The following INPP5B variants were observed in gnomAD, a reference collection of about 807,000 sequenced individuals.
INPP5B encodes inositol polyphosphate-5-phosphatase B.
A neutral mutation model predicts 118.5 loss-of-function variants in INPP5B; 90 were observed. That is an observed-to-expected ratio of 0.76 (90% CI 0.64 to 0.90). The LOEUF (loss-of-function observed/expected upper bound fraction) is 0.90, where lower values mean the gene tolerates loss of function less well. INPP5B is among the 40% of genes least tolerant of loss of function. INPP5B has a pLI of 0.00. For missense variants in INPP5B, 984 were observed against 1,125.6 expected (o/e 0.87, Z 1.80); for synonymous variants, 385 against 418.9 (o/e 0.92, Z 0.99).
chr1:37,869,271 G>A lies in INPP5B; in HGVS notation c.2188-657C>T, dbSNP rs530340907. Reference sequence around the variant, plus strand: ...GCCTCCCAAAGTGCTAGGATTACAGGCGTGAGCCACCGTGCCCGGCCCGAT... The same window carrying A: ...GCCTCCCAAAGTGCTAGGATTACAGACGTGAGCCACCGTGCCCGGCCCGAT... On this transcript the variant is annotated intron_variant, in intron 19 of 23. Transcript: ENST00000373024. Among the ~76,000 whole-genome samples, 424 of 151,914 alleles carry A rather than the reference G, an allele frequency of 2.8e-3. 3 individuals are homozygous for A. Among genetic ancestry groups the A allele is most frequent in the Non-Finnish European group, 4.6e-3 (311 of 67,960 alleles).
intron 18 of INPP5B, among the ~76,000 whole-genome samples, chr1:37,873,586 G>C (rs1162325890): frequency 2.6e-5 from 4 of 152,174 alleles, no homozygotes; most frequent in Admixed American, 2.0e-4. Flanking sequence ...AGAGTACCAT[G>C]CAGAGTGCGA....
chr1:37,864,232 T>C, intron 23 of INPP5B, 80 bp downstream of exon 23: 1 of 781,022 alleles, frequency 1.3e-6, no homozygotes, highest in Non-Finnish European at 2.2e-6. Context: ...GCAAGGGACC[T>C]GGGACCCTCC....
chr1:37,944,691 C>T (rs1646054341), intron 3 of INPP5B, among the ~76,000 whole-genome samples: 1 of 151,792 alleles, frequency 6.6e-6, no homozygotes, highest in African/African-American at 2.4e-5. Context: ...ATGTGATCCT[C>T]CCGCCTCAGC....
chr1:37,921,716 GAATAA>G (rs1557700254), intron 7 of INPP5B, among the ~76,000 whole-genome samples: 1 of 151,860 alleles, frequency 6.6e-6, no homozygotes, highest in African/African-American at 2.4e-5. Flanking sequence ...AAATAATAAT[GAATAA>G]AATAAAGACC....
At chr1:37,890,133 G>A (rs746559864) in intron 8 of INPP5B, among the ~76,000 whole-genome samples, 9 of 152,150 alleles carry the variant, frequency 5.9e-5, no homozygotes, top group African/African-American at 2.2e-4. Flanking sequence ...CCAGCACTTT[G>A]GAAGGCCAAG....
At chr1:37,934,041 C>T (rs1229882633) in intron 6 of INPP5B, among the ~76,000 whole-genome samples, 2 of 151,882 alleles carry the variant, frequency 1.3e-5, no homozygotes, top group Non-Finnish European at 2.9e-5. Flanking sequence ...TCAAATGATT[C>T]TCCTGCCTCA....
At chr1:37,868,982 C>A (rs1642226289) in intron 19 of INPP5B, among the ~76,000 whole-genome samples, 2 of 151,806 alleles carry the variant, frequency 1.3e-5, no homozygotes. Context: ...TTTTGATTTT[C>A]TTTTATTTTT....
chr1:37,932,150 C>A, intron 6 of INPP5B, 97 bp from the exon 7 acceptor site: 22 of 1,147,608 alleles, frequency 1.9e-5, no homozygotes, highest in Non-Finnish European at 2.5e-5. Context: ...CTGTTTCTCC[C>A]GCGCACAGAA....
chr1:37,940,865 C>A, intron 5 of INPP5B, 67 bp from the exon 6 acceptor site: 1 of 1,124,176 alleles, frequency 8.9e-7, no homozygotes, highest in Non-Finnish European at 1.3e-6. Context: ...CAGCCTAAGC[C>A]TGAGAATGGA....
chr1:37,885,620 G>T lies in INPP5B; in HGVS notation c.1319+18C>A, dbSNP rs768979267. On this transcript the variant is annotated intron_variant, in intron 13 of 23. Transcript: ENST00000373024. The stretch of plus-strand genomic sequence containing the variant: ...ATGTACTCATGGTGAACCGCATGGG[G>T]TGGAAGCCCAGACTCACTCATGGTT... 38 of 1,611,382 alleles carry T rather than the reference G, an allele frequency of 2.4e-5. 1 individual carries two copies. The highest frequency in any genetic ancestry group is 3.2e-5 in the Non-Finnish European group (38 of 1,178,728).
intron 21 of INPP5B, 107 bp downstream of exon 21, chr1:37,866,352 A>ATACTT: frequency 1.5e-6 from 1 of 656,120 alleles, no homozygotes; most frequent in Non-Finnish European, 2.7e-6. Context: ...GAGCCATAAA[A>ATACTT]TACTTTACTT....
intron 7 of INPP5B, 41 bp from the exon 8 acceptor site, chr1:37,891,495 C>A: frequency 1.4e-6 from 2 of 1,428,500 alleles, no homozygotes; most frequent in South Asian, 1.1e-5. Flanking sequence ...CATACATAGG[C>A]TGGACATGGT....
intron 7 of INPP5B, chr1:37,929,385 T>G (rs138626936): frequency 6.6e-6 from 1 of 152,204 alleles, no homozygotes; most frequent in East Asian, 1.9e-4. Context: ...TCCAAAGTGT[T>G]GGGATTAAAG....
At position 37,946,332 on chromosome 1, in the gene INPP5B, A is replaced by C. The variant is rs1570438228; in HGVS notation, c.-24T>G. The C allele has an allele frequency of 6.2e-7, 1 of 1,604,896 alleles. No individual in the cohort carries two copies. The highest frequency in any genetic ancestry group is 8.5e-7 in the Non-Finnish European group (1 of 1,175,800). On this transcript the variant is annotated splice_region_variant and 5_prime_UTR_variant, in exon 2 of 24. Transcript: ENST00000373024. ...ATGCTGGCCCCTGCTGAGCGCACAC[A>C]CCCTGTGGGAGGGGAGATAGGAGCC...
In INPP5B at chr1:37,860,886, G is replaced by A. The variant is rs1449939477; in HGVS notation, c.*1429C>T. On this transcript the variant is annotated 3_prime_UTR_variant, in exon 24 of 24. Transcript: ENST00000373024. ...CTCACCCGGGCTGGCGTACAGTGAT[G>A]TGGTCATAGGTCACTGCAGCCTCAA... The A allele has an allele frequency of 1.3e-5, 2 of 152,214 alleles. No homozygotes were observed. Among genetic ancestry groups the A allele is most frequent in the African/African-American group, 4.8e-5 (2 of 41,448 alleles). 9.4% of individuals were successfully genotyped at this position (152,214 alleles called of 1,614,324 possible).
Position 37,945,630 on chromosome 1 carries a change from A to G in INPP5B, c.152+126T>C, listed in dbSNP as rs74067342. Reference sequence around the variant, plus strand: ...ATATAGTGTTCAAAAAATATTAACTATCATTGTGATAATTATTCTAGGAGA... The same window carrying G: ...ATATAGTGTTCAAAAAATATTAACTGTCATTGTGATAATTATTCTAGGAGA... On this transcript the variant is annotated intron_variant, in intron 3 of 23. Coordinates refer to ENST00000373024, the MANE Select transcript of INPP5B (RefSeq NM_005540.3). 1.1e-3 allele frequency: 740 copies of G among 667,140 alleles called. 2 individuals are homozygous for G. In the African/African-American group the frequency reaches 0.012, roughly 11 times the overall value. 41.3% of individuals were successfully genotyped at this position (667,140 alleles called of 1,614,324 possible). A position where few individuals can be genotyped will look rare whatever the true frequency, so the allele number is the denominator to read the frequency against.
intron 7 of INPP5B, among the ~76,000 whole-genome samples, chr1:37,927,424 C>A (rs1645271789): frequency 6.6e-6 from 1 of 152,184 alleles, no homozygotes; most frequent in Non-Finnish European, 1.5e-5. Context: ...AGCTGCCACT[C>A]AACCAAAAGC....
intron 7 of INPP5B, among the ~76,000 whole-genome samples, chr1:37,899,176 T>TC (rs1248797965): frequency 3.6e-3 from 131 of 36,722 alleles, no homozygotes; most frequent in African/African-American, 0.016. Context: ...AGTGAAACTG[T>TC]CAAAAAAAAA....
intron 13 of INPP5B, chr1:37,883,934 G>T (rs9329570): frequency 0.72 from 583,517 of 809,460 alleles, 211,164 homozygotes; most frequent in Non-Finnish European, 0.74. Flanking sequence ...TTTAGACAAA[G>T]AGGAAGTTGT....
Sources: gnomAD v4.1 joint callset for allele counts (sites outside exome capture counted in the v4.1 genomes callset) on GRCh38, gnomAD v4.1.1 for gene constraint, MANE v1.5 for transcripts, NCBI Gene and HGNC (gene_info 2026-07-23, HGNC 2026-07-21) for gene names.